The following CDKL5 variants were observed in gnomAD, a reference collection of about 807,000 sequenced individuals.
CDKL5 encodes cyclin dependent kinase like 5.
A neutral mutation model predicts 61.7 loss-of-function variants in CDKL5; 8 were observed. The ratio of observed to expected loss-of-function variants is 0.13; its 90% confidence interval spans 0.08 to 0.23. The LOEUF is 0.23. Ranked by LOEUF, CDKL5 falls within the 10% of genes least tolerant of loss-of-function variation. The probability of loss-of-function intolerance (pLI) is 1.00; values close to 1 mark genes in which losing one functional copy is unlikely to be tolerated. For missense variants in CDKL5, 440 were observed against 734.5 expected, an observed-to-expected ratio of 0.60 and a Z score of 4.63; for synonymous variants, 275 against 272.3, an observed-to-expected ratio of 1.01 and a Z score of -0.10.
At chrX:18,442,759 G>A (rs1411744802) in intron 1 of CDKL5, among the ~76,000 whole-genome samples, 1 of 111,961 alleles carries the variant, frequency 8.9e-6, no homozygotes, top group South Asian at 3.7e-4. Context: ...CTCCCAAAGT[G>A]CTGGGATTAC....
chrX:18,595,459 T>TTATA, intron 10 of CDKL5, 31 bp downstream of exon 10: 1 of 965,449 alleles, frequency 1.0e-6, no homozygotes, highest in East Asian at 3.1e-5. Flanking sequence ...CTCTATAAAA[T>TTATA]GTCTTTTGGT....
intron 4 of CDKL5, among the ~76,000 whole-genome samples, chrX:18,571,615 G>A (rs1261772962): frequency 9.0e-6 from 1 of 111,341 alleles, no homozygotes; most frequent in Non-Finnish European, 1.9e-5. Flanking sequence ...GTACCTCTGA[G>A]AAGAGAAGCC....
chrX:18,556,525 AT>A (rs1199383913), intron 3 of CDKL5, among the ~76,000 whole-genome samples: 1 of 111,700 alleles, frequency 9.0e-6, no homozygotes, highest in Non-Finnish European at 1.9e-5. Flanking sequence ...CATCTGTAAA[AT>A]GAGCATGAGA....
At chrX:18,581,854 C>CA in intron 6 of CDKL5, 37 bp from the exon 7 acceptor site, 1 of 959,978 alleles carries the variant, frequency 1.0e-6, no homozygotes, top group African/African-American at 1.9e-5. Context: ...GAACATAGAA[C>CA]ATTTTTACTA....
chrX:18,447,940 C>T (rs777296371), intron 1 of CDKL5, among the ~76,000 whole-genome samples: 1 of 109,756 alleles, frequency 9.1e-6, no homozygotes, highest in South Asian at 4.0e-4. Flanking sequence ...CCTGTAAAAA[C>T]GGGGTTTCTC....
chrX:18,478,548 C>T (rs1921413539), intron 1 of CDKL5, among the ~76,000 whole-genome samples: 1 of 109,639 alleles, frequency 9.1e-6, no homozygotes, highest in Non-Finnish European at 1.9e-5. Flanking sequence ...ACCTCGGCCT[C>T]CCAAAGTGTT....
Position 18,630,092 on chromosome X carries a change from G to C in CDKL5, c.*1335G>C, listed in dbSNP as rs1927191465. On this transcript the variant is annotated 3_prime_UTR_variant, in exon 18 of 18. Coordinates refer to ENST00000623535, the MANE Select transcript of CDKL5 (RefSeq NM_001323289.2). ...CTCTCTCCAATACCATATTTAAAAG[G>C]CTCCTGGAGCAATTCCAGATAGATA... is the stretch of plus-strand genomic sequence containing the variant. 2.7e-6 allele frequency: 2 copies of C among 753,469 alleles called. No homozygotes were observed. Among genetic ancestry groups the C allele is most frequent in the South Asian group, 1.4e-4 (2 of 14,763 alleles). 62.1% of individuals were successfully genotyped at this position (753,469 alleles called of 1,213,427 possible).
chrX:18,518,142 A>T (rs1455165354), intron 3 of CDKL5, among the ~76,000 whole-genome samples: 6 of 110,220 alleles, frequency 5.4e-5, no homozygotes, highest in Admixed American at 2.9e-4. Flanking sequence ...ATTTTAATTT[A>T]AAAAAAATCA....
intron 15 of CDKL5, among the ~76,000 whole-genome samples, chrX:18,614,049 T>C (rs1030422797): frequency 6.3e-5 from 7 of 111,762 alleles, no homozygotes; most frequent in Non-Finnish European, 1.3e-4. Context: ...GCCCAGGTTC[T>C]CTACCAAGAG....
intron 1 of CDKL5, among the ~76,000 whole-genome samples, chrX:18,448,207 T>C (rs1331799011): frequency 6.2e-5 from 7 of 112,337 alleles, no homozygotes. Flanking sequence ...CCACCTGGGC[T>C]CCCAAGACAG....
In CDKL5 at chrX:18,473,883, C is replaced by T. The variant is rs146953777; in HGVS notation, c.-162-33052C>T. ...GGATGGTGTATGAAAAGTAGGCCATCAGGGGAACTTCGGTTCTTTTTTTTT... is the reference window on the plus strand; with the variant it reads ...GGATGGTGTATGAAAAGTAGGCCATTAGGGGAACTTCGGTTCTTTTTTTTT... On this transcript the variant is annotated intron_variant, in intron 1 of 17. Transcript: ENST00000623535. Among the ~76,000 whole-genome samples the T allele has an allele frequency of 4.0e-3, 424 of 106,644 alleles. 3 individuals are homozygous for T. Among genetic ancestry groups the T allele is most frequent in the African/African-American group, 0.013 (378 of 29,017 alleles). The allele number at this position is 106,644 out of a possible 115,157, so 92.6% of individuals were successfully genotyped here.
chrX:18,580,359 A>G (rs1261121679), intron 6 of CDKL5, among the ~76,000 whole-genome samples: 4 of 111,349 alleles, frequency 3.6e-5, no homozygotes, highest in African/African-American at 1.3e-4. Flanking sequence ...ATGTGAAACA[A>G]CTCTGAATCA....
chrX:18,530,874 G>A (rs771939769), intron 3 of CDKL5, among the ~76,000 whole-genome samples: 1 of 111,895 alleles, frequency 8.9e-6, no homozygotes, highest in African/African-American at 3.2e-5. Flanking sequence ...GTTTCCTCTA[G>A]TGTCTTTGTT....
rs140332992 is a variant in CDKL5 at position 18,510,848 on chromosome X, A to G, written c.93A>G (p.Arg31=). ...CCTATGGAGTTGTACTTAAATGCAG[A>G]CACAAGGCAAGTACATTATTTTTAA... is the stretch of plus-strand genomic sequence containing the variant. ...EGAYGVVLKC[R]HKETHEIVAI... The change falls in exon 3 of 18, where the codon AGA becomes AGG. Residue 31 remains arginine (R), a synonymous_variant. Coordinates refer to ENST00000623535, the MANE Select transcript of CDKL5 (RefSeq NM_001323289.2). 2.6e-5 allele frequency: 30 copies of G among 1,168,821 alleles called. No individual in the cohort carries two copies. The Middle Eastern group carries it at 7.1e-4, about 28-fold the overall frequency.
At chrX:18,606,976 G>A (rs909280782) in intron 12 of CDKL5, among the ~76,000 whole-genome samples, 3 of 111,464 alleles carry the variant, frequency 2.7e-5, no homozygotes, top group Non-Finnish European at 5.7e-5. Context: ...CTCCTTTTTG[G>A]AGTGAAAGAG....
intron 2 of CDKL5, among the ~76,000 whole-genome samples, chrX:18,509,192 A>AACAC (rs1183838846): frequency 8.9e-5 from 4 of 45,011 alleles, no homozygotes; most frequent in East Asian, 2.0e-3. Flanking sequence ...ACTGTCTCAA[A>AACAC]ACACGCACAC....
rs754893914 is a variant in CDKL5, at chrX:18,574,797, T to C, written c.146-557T>C. 6.3e-5 allele frequency among the ~76,000 whole-genome samples: 7 copies of C among 111,956 alleles called. No homozygotes were observed. In the East Asian group the frequency reaches 2.0e-3, roughly 32 times the overall value. Reference sequence around the variant, plus strand: ...CCCTGCAACTTGGCTGTGACTTGAATTGTGGATGCTTGGCGCATGACCTCT... The same window carrying C: ...CCCTGCAACTTGGCTGTGACTTGAACTGTGGATGCTTGGCGCATGACCTCT... On this transcript the variant is annotated intron_variant, in intron 4 of 17. Transcript: ENST00000623535.
At chrX:18,462,581 C>T (rs1398500724) in intron 1 of CDKL5, among the ~76,000 whole-genome samples, 1 of 111,623 alleles carries the variant, frequency 9.0e-6, no homozygotes, top group Non-Finnish European at 1.9e-5. Context: ...AACAAGAAGG[C>T]AGGGGCCTTA....
At position 18,630,945 on chromosome X, in the gene CDKL5, A is replaced by G. The variant is rs1180268187; in HGVS notation, c.*2188A>G. ...TGTGTATTTAACTCTTCTTTTTCAT[A>G]CTAGATCTCTACCTTGTATTCCCCC... On this transcript the variant is annotated 3_prime_UTR_variant, in exon 18 of 18. Transcript: ENST00000623535. The G allele has an allele frequency of 1.3e-6, 1 of 747,500 alleles. No homozygotes were observed. Among genetic ancestry groups the G allele is most frequent in the Non-Finnish European group, 1.6e-6 (1 of 637,610 alleles). The allele number at this position is 747,500 out of a possible 1,213,427, so 61.6% of individuals were successfully genotyped here. A position where few individuals can be genotyped will look rare whatever the true frequency, so the allele number is the denominator to read the frequency against.
Sources: gnomAD v4.1 joint callset for allele counts (sites outside exome capture counted in the v4.1 genomes callset) on GRCh38, gnomAD v4.1.1 for gene constraint, MANE v1.5 for transcripts, NCBI Gene and HGNC (gene_info 2026-07-23, HGNC 2026-07-21) for gene names.